CPA6: variants seen among roughly 807,000 people sequenced by gnomAD.
CPA6 encodes carboxypeptidase B.
Under a neutral mutation model 63.3 loss-of-function variants are expected in CPA6, and 58 were observed. That is an observed-to-expected ratio of 0.92 (90% CI 0.74 to 1.14). The LOEUF (loss-of-function observed/expected upper bound fraction) is 1.14. CPA6 is among the 50% of genes most tolerant of loss of function. The pLI, the probability that CPA6 is intolerant of heterozygous loss-of-function variation, is 0.00. For synonymous variants in CPA6, 185 were observed against 179.0 expected, an observed-to-expected ratio of 1.03 and a Z score of -0.27; for missense variants, 565 against 526.6, an observed-to-expected ratio of 1.07 and a Z score of -0.71.
intron 1 of CPA6, among the ~76,000 whole-genome samples, chr8:67,636,210 G>A (rs6472325): frequency 6.6e-6 from 1 of 151,046 alleles, no homozygotes; most frequent in African/African-American, 2.5e-5. Context: ...TGCATGCCAT[G>A]GGCAGCCTAT....
rs559383697 is a variant in CPA6, at chr8:67,595,973, C to T, written c.192+28203G>A. On this transcript the variant is annotated intron_variant, in intron 2 of 10. Coordinates refer to ENST00000297770, the MANE Select transcript of CPA6 (RefSeq NM_020361.5). ...AAATGCAGAAATCACCCGTCTTCTG[C>T]GTCGCTCACGCTGGGAGCTGTAGAC... Among the ~76,000 whole-genome samples the T allele has an allele frequency of 3.3e-5, 5 of 152,346 alleles. 1 individual carries two copies. Among genetic ancestry groups the T allele is most frequent in the South Asian group, 2.1e-4 (1 of 4,830 alleles).
intron 6 of CPA6, among the ~76,000 whole-genome samples, chr8:67,505,527 C>T (rs1402279481): frequency 2.0e-5 from 3 of 151,886 alleles, no homozygotes; most frequent in Non-Finnish European, 4.4e-5. Context: ...TTTTTTTTAA[C>T]CTGAAATAGC....
At chr8:67,574,972 A>G (rs1381880002) in intron 2 of CPA6, among the ~76,000 whole-genome samples, 1 of 152,194 alleles carries the variant, frequency 6.6e-6, no homozygotes, top group Non-Finnish European at 1.5e-5. Flanking sequence ...GGGAGAAAAT[A>G]TTTGCAAGCC....
intron 1 of CPA6, among the ~76,000 whole-genome samples, chr8:67,713,481 C>A (rs1023053667): frequency 3.9e-5 from 6 of 152,044 alleles, no homozygotes; most frequent in Non-Finnish European, 7.4e-5. Context: ...CCCTAACAAG[C>A]GATTTATTCC....
rs186588488 is a variant in CPA6 at position 67,504,747 on chromosome 8, G to T, written c.636+2040C>A. 1.3e-4 allele frequency among the ~76,000 whole-genome samples: 20 copies of T among 152,250 alleles called. No homozygotes were observed. In the East Asian group the frequency reaches 3.1e-3, roughly 24 times the overall value. On this transcript the variant is annotated intron_variant, in intron 6 of 10. Coordinates refer to ENST00000297770, the MANE Select transcript of CPA6 (RefSeq NM_020361.5). ...GGCCTCCTTTGTTCCATTTCTGGTT[G>T]CTTCCATGGCTCAGACAGAAAATGG...
chr8:67,735,277 T>C (rs1241192924), intron 1 of CPA6: 1 of 152,184 alleles, frequency 6.6e-6, no homozygotes, highest in Non-Finnish European at 1.5e-5. Context: ...CACAGCTACT[T>C]TGAAGATTCT....
chr8:67,734,042 T>C (rs1355430646), intron 1 of CPA6, among the ~76,000 whole-genome samples: 1 of 55,716 alleles, frequency 1.8e-5, no homozygotes, highest in Non-Finnish European at 4.7e-5. Flanking sequence ...CCTAGCAAAC[T>C]TAATTTTTTT....
chr8:67,474,179 T>A (rs1464088277), intron 8 of CPA6, among the ~76,000 whole-genome samples: 1 of 152,138 alleles, frequency 6.6e-6, no homozygotes, highest in Non-Finnish European at 1.5e-5. Context: ...CACACCCAGA[T>A]CCCTAGCTTA....
intron 1 of CPA6, among the ~76,000 whole-genome samples, chr8:67,634,179 A>AATT (rs36123716): frequency 0.11 from 15,268 of 139,700 alleles, 1,012 homozygotes; most frequent in South Asian, 0.15. Flanking sequence ...CACTGGATTT[A>AATT]ATTATTATTA....
chr8:67,484,785 A>G lies in CPA6; in HGVS notation c.641T>C (p.Leu214Pro). Residue 214 changes from leucine to proline, a missense_variant, in exon 7 of 11, where the codon CTT becomes CCT. Coordinates refer to ENST00000297770, the MANE Select transcript of CPA6 (RefSeq NM_020361.5). ...GGCTGGGTCACTCTTATATGTTAGAAGAGCCTAAAAGACAAAGGTGAGATT... is the reference window on the plus strand; with the variant it reads ...GGCTGGGTCACTCTTATATGTTAGAGGAGCCTAAAAGACAAAGGTGAGATT... ...AFCQWFVKEA[L>P]LTYKSDPAMR... 1 of 1,548,848 alleles carries G rather than the reference A, an allele frequency of 6.5e-7. No individual in the cohort carries two copies. The highest frequency in any genetic ancestry group is 8.9e-7 in the Non-Finnish European group (1 of 1,126,038).
rs201754915 is a variant in CPA6 at position 67,713,095 on chromosome 8, GTGTGTATATATATATATA to G, written c.116+32901_116+32918del. 0.012 allele frequency among the ~76,000 whole-genome samples: 1,046 copies of G among 86,362 alleles called. 89 individuals carry two copies. In the East Asian group the frequency reaches 0.23, roughly 19 times the overall value. 56.7% of individuals were successfully genotyped at this position (86,362 alleles called of 152,430 possible). A position where few individuals can be genotyped will look rare whatever the true frequency, so the allele number is the denominator to read the frequency against. On this transcript the variant is annotated intron_variant, in intron 1 of 10. Coordinates refer to ENST00000297770, the MANE Select transcript of CPA6 (RefSeq NM_020361.5). ...TATCTGTGTGTGTATGTGTGTGTGT[GTGTGTATATATATATATA>G]TATATATATATATATATATATATAT...
intron 8 of CPA6, among the ~76,000 whole-genome samples, chr8:67,446,775 T>C (rs1037119886): frequency 5.3e-5 from 8 of 152,186 alleles, no homozygotes; most frequent in African/African-American, 1.4e-4. Flanking sequence ...AATTTAAAAA[T>C]TGTCATCTTT....
At chr8:67,738,177 A>C (rs746288152) in intron 1 of CPA6, among the ~76,000 whole-genome samples, 2 of 152,178 alleles carry the variant, frequency 1.3e-5, no homozygotes, top group African/African-American at 2.4e-5. Context: ...TGCTGTAGTT[A>C]TCTCTAACAT....
At chr8:67,721,011 A>T (rs930710544) in intron 1 of CPA6, among the ~76,000 whole-genome samples, 6 of 152,250 alleles carry the variant, frequency 3.9e-5, no homozygotes, top group Non-Finnish European at 8.8e-5. Context: ...CCTATTAGGG[A>T]TTGAACAAAC....
intron 2 of CPA6, among the ~76,000 whole-genome samples, chr8:67,587,473 C>A (rs754805388): frequency 9.9e-5 from 15 of 151,986 alleles, no homozygotes; most frequent in Non-Finnish European, 2.2e-4. Context: ...TATTCCATAT[C>A]AGAGGAATGA....
chr8:67,579,912 C>T (rs1429102400), intron 2 of CPA6, among the ~76,000 whole-genome samples: 1 of 152,190 alleles, frequency 6.6e-6, no homozygotes, highest in Non-Finnish European at 1.5e-5. Flanking sequence ...AATATTTACT[C>T]TCTGTATCTT....
intron 2 of CPA6, among the ~76,000 whole-genome samples, chr8:67,522,774 G>A (rs1587519597): frequency 1.3e-5 from 2 of 152,380 alleles, no homozygotes; most frequent in Middle Eastern, 6.8e-3. Flanking sequence ...CAAGGTGGAA[G>A]CCAGTTGCAG....
At chr8:67,647,887 A>G (rs1212244682) in intron 1 of CPA6, among the ~76,000 whole-genome samples, 1 of 151,716 alleles carries the variant, frequency 6.6e-6, no homozygotes, top group Non-Finnish European at 1.5e-5. Context: ...ATCATTTACT[A>G]CCCCCCTAAA....
intron 9 of CPA6, among the ~76,000 whole-genome samples, chr8:67,433,748 C>T (rs1810080097): frequency 6.6e-6 from 1 of 152,186 alleles, no homozygotes; most frequent in African/African-American, 2.4e-5. Flanking sequence ...TTAAAAGCAA[C>T]AGCTAGGGAA....
Sources: allele counts gnomAD v4.1 joint callset (sites outside exome capture counted in the v4.1 genomes callset), GRCh38; gene constraint gnomAD v4.1.1; transcripts MANE v1.5; gene names NCBI Gene and HGNC (gene_info 2026-07-23, HGNC 2026-07-21).